The following MTHFD1 variants were observed in gnomAD, a reference collection of about 807,000 sequenced individuals.
MTHFD1 encodes the protein methylenetetrahydrofolate dehydrogenase, cyclohydrolase and formyltetrahydrofolate synthetase 1.
A neutral mutation model predicts 110.3 loss-of-function variants in MTHFD1; 44 were observed. The ratio of observed to expected loss-of-function variants is 0.40; its 90% confidence interval spans 0.31 to 0.51. The LOEUF is 0.51. Among genes scored for constraint, MTHFD1 ranks in the 20% least tolerant of loss-of-function variants. The pLI, the probability that MTHFD1 is intolerant of heterozygous loss-of-function variation, is 0.60. For synonymous variants in MTHFD1, 402 were observed against 428.8 expected (o/e 0.94, Z 0.77); for missense variants, 909 against 1,173.1 (o/e 0.77, Z 3.29).
chr14:64,392,208 G>C (rs1327021651), intron 1 of MTHFD1, among the ~76,000 whole-genome samples: 2 of 152,296 alleles, frequency 1.3e-5, no homozygotes, highest in East Asian at 1.9e-4. Flanking sequence ...TGCTTTGGGG[G>C]GTCAATGGCA....
rs199568759 is a variant in MTHFD1, at chr14:64,441,480, G to A, written c.1884+27G>A. On this transcript the variant is annotated intron_variant, in intron 19 of 27. Transcript: ENST00000652337. ...TGAGCAGAGTGACTCCTGCCTTCTT[G>A]AATTGGTTTTGGACAGTCAGAGCAG... The A allele has an allele frequency of 8.7e-6, 14 of 1,611,958 alleles. No individual in the cohort carries two copies. In the African/African-American group the frequency reaches 1.7e-4, roughly 20 times the overall value.
chr14:64,395,661 G>T (rs1430817467), intron 1 of MTHFD1, among the ~76,000 whole-genome samples: 1 of 152,108 alleles, frequency 6.6e-6, no homozygotes, highest in Non-Finnish European at 1.5e-5. Flanking sequence ...CTACCTCAGG[G>T]CATTGGGCAT....
intron 25 of MTHFD1, 122 bp from the exon 26 acceptor site, chr14:64,454,601 T>G: frequency 1.3e-6 from 1 of 778,168 alleles, no homozygotes; most frequent in South Asian, 1.5e-5. Context: ...GATAGAGATG[T>G]ATATAAAGGG....
chr14:64,399,891 G>A (rs572088630), intron 1 of MTHFD1, among the ~76,000 whole-genome samples: 93 of 151,990 alleles, frequency 6.1e-4, no homozygotes, highest in Admixed American at 1.3e-3. Flanking sequence ...TCCTCCTGCC[G>A]CAGCCTCCTG....
chr14:64,458,799 C>T (rs1461221726), intron 27 of MTHFD1: 1 of 197,644 alleles, frequency 5.1e-6, no homozygotes, highest in Non-Finnish European at 1.1e-5. Context: ...TGAAAGGGCC[C>T]TGAGTACCGA....
At chr14:64,454,662 A>G (rs1393286373) in intron 25 of MTHFD1, 61 bp from the exon 26 acceptor site, 10 of 1,379,864 alleles carry the variant, frequency 7.2e-6, no homozygotes, top group Non-Finnish European at 1.0e-5. Context: ...CAGGGCCCAG[A>G]TGGTCATTGC....
chr14:64,458,032 A>G (rs2078503165), intron 26 of MTHFD1, 182 bp from the exon 27 acceptor site: 3 of 635,140 alleles, frequency 4.7e-6, no homozygotes, highest in Admixed American at 2.5e-5. Context: ...CTGGAACTAC[A>G]GGCACATGCC....
At position 64,442,339 on chromosome 14, in the gene MTHFD1, C is replaced by T. The variant is rs759599710; in HGVS notation, c.2073C>T (p.Cys691=). The change falls in exon 21 of 28, where the codon TGC becomes TGT. Residue 691 remains cysteine (C), a synonymous_variant. Transcript: ENST00000652337. ...TCAAATGCCGGTATTCCGGCCTCTG[C>T]CCCCACGTGGTGGTGCTTGTTGCCA... is the stretch of plus-strand genomic sequence containing the variant. ...FNIKCRYSGL[C]PHVVVLVATV... 4 of 1,614,090 alleles carry T rather than the reference C, an allele frequency of 2.5e-6. No homozygotes were observed. In the South Asian group the frequency reaches 3.3e-5, roughly 13 times the overall value.
chr14:64,449,520 C>T lies in MTHFD1; in HGVS notation c.2355C>T (p.Cys785=). 6.2e-7 allele frequency: 1 copy of T among 1,614,210 alleles called. No homozygotes were observed. Among genetic ancestry groups the T allele is most frequent in the Non-Finnish European group, 8.5e-7 (1 of 1,180,042 alleles). Residue 785 remains cysteine, a synonymous_variant, in exon 24 of 28, where the codon TGC becomes TGT. Transcript: ENST00000652337. ...REHGAFDAVK[C]THWAEGGKGA... is the part of the protein sequence containing the mutation. ...ATGGGGCTTTTGATGCCGTGAAGTG[C>T]ACTCACTGGGCAGAAGGGGGCAAGG...
At position 64,431,536 on chromosome 14, in the gene MTHFD1, A is replaced by G. The variant is rs2078160378; in HGVS notation, c.1316A>G (p.Asn439Ser). 6.2e-7 allele frequency: 1 copy of G among 1,613,318 alleles called. No homozygotes were observed. The highest frequency in any genetic ancestry group is 8.5e-7 in the Non-Finnish European group (1 of 1,179,518). Residue 439 changes from asparagine to serine, a missense_variant, in exon 14 of 28, where the codon AAT (asparagine) becomes AGT (serine). Asn to Ser is a conservative substitution (Grantham distance 46). Around this residue, in one of 3 missense-constraint regions of MTHFD1, gnomAD observed 482 missense variants for 646.0 expected, o/e 0.75. Coordinates refer to ENST00000652337, the MANE Select transcript of MTHFD1 (RefSeq NM_005956.4). ...GTGGCTTCTGTTCTTTTGTAGTTTA[A>G]TCTCCACCTCACAGGTGACATCCAT... The part of the protein sequence containing the change: ...YSQVIPMEEF[N>S]LHLTGDIHAI...
chr14:64,454,162 G>C (rs954508444), intron 25 of MTHFD1, among the ~76,000 whole-genome samples: 1 of 152,194 alleles, frequency 6.6e-6, no homozygotes. Context: ...GCCCAGGCTA[G>C]AGTGCAGTGG....
chr14:64,453,648 T>A (rs2078415556), intron 24 of MTHFD1, 106 bp from the exon 25 acceptor site: 1 of 723,628 alleles, frequency 1.4e-6, no homozygotes, highest in African/African-American at 1.7e-5. Flanking sequence ...ATAAAAACCA[T>A]CTTCTGCCCC....
In MTHFD1 at chr14:64,442,181, A is replaced by G. The variant is rs1364672482; in HGVS notation, c.1996+16A>G. ...GGGTTTGTAGGTTAGTGTTTTTTGCAAAACCAGTGAATAGACTGTATGTTT... is the reference window on the plus strand; with the variant it reads ...GGGTTTGTAGGTTAGTGTTTTTTGCGAAACCAGTGAATAGACTGTATGTTT... On this transcript the variant is annotated intron_variant, in intron 20 of 27. Transcript: ENST00000652337. 2 of 1,613,946 alleles carry G rather than the reference A, an allele frequency of 1.2e-6. No individual in the cohort carries two copies. Among genetic ancestry groups the G allele is most frequent in the Non-Finnish European group, 1.7e-6 (2 of 1,179,884 alleles).
At chr14:64,389,355 T>G (rs1297363836) in intron 1 of MTHFD1, among the ~76,000 whole-genome samples, 4 of 152,188 alleles carry the variant, frequency 2.6e-5, no homozygotes, top group Non-Finnish European at 5.9e-5. Context: ...GTTACTAAAT[T>G]GTAATTGTCC....
chr14:64,440,231 A>G lies in MTHFD1; in HGVS notation c.1780A>G (p.Ser594Gly). The G allele has an allele frequency of 6.2e-7, 1 of 1,614,204 alleles. No individual in the cohort carries two copies. The highest frequency in any genetic ancestry group is 8.5e-7 in the Non-Finnish European group (1 of 1,180,036). Residue 594 changes from serine to glycine, a missense_variant, in exon 18 of 28, where the codon AGT (serine) becomes GGT (glycine). Coordinates refer to ENST00000652337, the MANE Select transcript of MTHFD1 (RefSeq NM_005956.4). ...ERLGKMVVASSKKGEPVSAED... is the reference protein window; with the variant it reads ...ERLGKMVVASGKKGEPVSAED... The stretch of plus-strand genomic sequence containing the variant: ...ACTGGGCAAAATGGTGGTGGCATCC[A>G]GTAAGAAAGGAGAGCCCGTCAGTGC...
intron 15 of MTHFD1, among the ~76,000 whole-genome samples, chr14:64,435,101 C>G (rs143559599): frequency 6.6e-6 from 1 of 151,914 alleles, no homozygotes; most frequent in Non-Finnish European, 1.5e-5. Context: ...AGTCACCCAC[C>G]ACCATGCCCA....
At chr14:64,447,028 C>T (rs563025163) in intron 22 of MTHFD1, among the ~76,000 whole-genome samples, 22 of 151,874 alleles carry the variant, frequency 1.4e-4, no homozygotes, top group Non-Finnish European at 2.1e-4. Flanking sequence ...TTTGTAGAGA[C>T]GGGGTCTCCC....
Position 64,402,960 on chromosome 14 carries a change from T to TTA in MTHFD1, c.126+2095_126+2096dup, listed in dbSNP as rs926400794. Among the ~76,000 whole-genome samples, 15 of 152,096 alleles carry TTA rather than the reference T, an allele frequency of 9.9e-5. 1 individual carries two copies. Among genetic ancestry groups the TTA allele is most frequent in the East Asian group, 7.7e-4 (4 of 5,176 alleles). On this transcript the variant is annotated intron_variant, in intron 2 of 27. Coordinates refer to ENST00000652337, the MANE Select transcript of MTHFD1 (RefSeq NM_005956.4). ...CATGCACTCAAGAGTTGAGGTTTAT[T>TTA]TATATATATATATTTTTTACTTTTT... is the stretch of plus-strand genomic sequence containing the variant.
chr14:64,404,302 T>A (rs138985207), intron 2 of MTHFD1, among the ~76,000 whole-genome samples: 1 of 152,318 alleles, frequency 6.6e-6, no homozygotes, highest in African/African-American at 2.4e-5. Flanking sequence ...CTCATCACCC[T>A]AATACCTAAA....
Sources: allele counts gnomAD v4.1 joint callset (sites outside exome capture counted in the v4.1 genomes callset), GRCh38; gene constraint gnomAD v4.1.1; regional missense constraint gnomAD v4.1.1; transcripts MANE v1.5; gene names NCBI Gene and HGNC (gene_info 2026-07-23, HGNC 2026-07-21).